Variants in DAB2IP observed in about 807,000 individuals in gnomAD.
DAB2IP encodes disabled homolog 2-interacting protein.
In DAB2IP, 28 loss-of-function variants were observed where a neutral mutation model predicts 107.2. The observed-to-expected ratio is 0.26, with a 90% CI of 0.19 to 0.36. DAB2IP has a LOEUF of 0.36. Among genes scored for constraint, DAB2IP ranks in the 10% least tolerant of loss-of-function variants. The pLI is 1.00. For synonymous variants in DAB2IP, 755 were observed against 706.4 expected (o/e 1.07, Z -1.09); for missense variants, 1,400 against 1,644.7 (o/e 0.85, Z 2.57).
At chr9:121,630,533 A>ATT (rs1554716325) in intron 1 of DAB2IP, among the ~76,000 whole-genome samples, 12,056 of 146,872 alleles carry the variant, frequency 0.082, 1,557 homozygotes, top group African/African-American at 0.27. Context: ...TCATAAAAAA[A>ATT]TTTTTTTTTT....
chr9:121,727,043 T>TA (rs113580097), intron 3 of DAB2IP, among the ~76,000 whole-genome samples: 3,358 of 152,234 alleles, frequency 0.022, 129 homozygotes, highest in African/African-American at 0.076. Flanking sequence ...GTGCTGGACT[T>TA]ACTGCAGGCT....
chr9:121,691,458 T>G (rs577886090), intron 2 of DAB2IP, among the ~76,000 whole-genome samples: 1 of 145,684 alleles, frequency 6.9e-6, no homozygotes, highest in Non-Finnish European at 1.5e-5. Context: ...AAGGAAGTGA[T>G]AGCAGTGAGC....
chr9:121,756,143 C>G (rs1319532032), intron 3 of DAB2IP, among the ~76,000 whole-genome samples: 6 of 152,196 alleles, frequency 3.9e-5, no homozygotes, highest in African/African-American at 4.8e-5. Context: ...TAAGAGGACA[C>G]TGCTCTGTGC....
intron 2 of DAB2IP, among the ~76,000 whole-genome samples, chr9:121,679,757 G>A (rs1828484350): frequency 6.6e-6 from 1 of 152,168 alleles, no homozygotes; most frequent in South Asian, 2.1e-4. Flanking sequence ...GGAGCTGGAA[G>A]TGATTGGCTA....
At chr9:121,640,848 G>A (rs1447407473) in intron 1 of DAB2IP, among the ~76,000 whole-genome samples, 1 of 152,178 alleles carries the variant, frequency 6.6e-6, no homozygotes, top group African/African-American at 2.4e-5. Context: ...GTTCCCAGTT[G>A]TGGGAAGGCA....
chr9:121,729,179 C>T (rs946803305), intron 3 of DAB2IP, among the ~76,000 whole-genome samples: 4 of 152,280 alleles, frequency 2.6e-5, no homozygotes, highest in East Asian at 3.9e-4. Context: ...AACTGAAGTG[C>T]AGAGAGGTTA....
At chr9:121,688,282 G>C (rs995125330) in intron 2 of DAB2IP, among the ~76,000 whole-genome samples, 1 of 152,244 alleles carries the variant, frequency 6.6e-6, no homozygotes, top group African/African-American at 2.4e-5. Flanking sequence ...TCCAAAGCCA[G>C]GAGGCCCTCT....
At chr9:121,578,722 CTTTTTTTTTTTTTTTTT>C (rs749525264) in intron 1 of DAB2IP, among the ~76,000 whole-genome samples, 1 of 47,428 alleles carries the variant, frequency 2.1e-5, no homozygotes, top group African/African-American at 9.1e-5. Context: ...CGGCCTATGT[CTTTTTTTTTTTTTTTTT>C]TTTTTTTTTT....
chr9:121,727,006 G>A lies in DAB2IP; in HGVS notation c.362+27548G>A, dbSNP rs1221721112. On this transcript the variant is annotated intron_variant, in intron 3 of 15. Transcript: ENST00000408936. ...GGGATGGGAGGTGGAGAGGAGTAGG[G>A]ATGTGGGGTGGTCTCTCAAAAATAT... Among the ~76,000 whole-genome samples the A allele has an allele frequency of 3.3e-5, 5 of 152,172 alleles. No individual in the cohort carries two copies. In the East Asian group the frequency reaches 9.6e-4, roughly 29 times the overall value.
Position 121,608,056 on chromosome 9 carries a change from T to A in DAB2IP, c.40+40828T>A, listed in dbSNP as rs182534580. On this transcript the variant is annotated intron_variant, in intron 1 of 16. Coordinates refer to the DAB2IP transcript ENST00000259371. ...TCCCAAAAGGCTCTGTCAGCCCCTC[T>A]GATAGGGATCTGCAGGGTGTGTGAG... is the stretch of plus-strand genomic sequence containing the variant. Among the ~76,000 whole-genome samples the A allele has an allele frequency of 4.3e-4, 66 of 152,372 alleles. 1 individual carries two copies. In the Middle Eastern group the frequency reaches 0.017, roughly 39 times the overall value.
chr9:121,590,176 A>G (rs895282363), intron 1 of DAB2IP, among the ~76,000 whole-genome samples: 7 of 151,026 alleles, frequency 4.6e-5, no homozygotes, highest in African/African-American at 1.7e-4. Context: ...TGAATTCTCA[A>G]TGCCTCAGAG....
At chr9:121,588,704 G>A (rs2118923132) in intron 1 of DAB2IP, among the ~76,000 whole-genome samples, 1 of 151,744 alleles carries the variant, frequency 6.6e-6, no homozygotes, top group South Asian at 2.1e-4. Context: ...GTCAGTGCAA[G>A]CCTCAGCCCA....
At chr9:121,593,330 T>C (rs1286646438) in intron 1 of DAB2IP, among the ~76,000 whole-genome samples, 1 of 152,182 alleles carries the variant, frequency 6.6e-6, no homozygotes, top group Non-Finnish European at 1.5e-5. Context: ...TGCAATGGCG[T>C]GGACATGACT....
chr9:121,663,128 A>G (rs1218850175), intron 1 of DAB2IP, among the ~76,000 whole-genome samples: 2 of 152,284 alleles, frequency 1.3e-5, no homozygotes, highest in East Asian at 1.9e-4. Flanking sequence ...GTGTCTGGAG[A>G]TAAGGAATAG....
intron 12 of DAB2IP, among the ~76,000 whole-genome samples, chr9:121,773,947 C>G (rs1441950913): frequency 1.3e-5 from 2 of 152,210 alleles, no homozygotes; most frequent in African/African-American, 4.8e-5. Flanking sequence ...GGGCTGACAG[C>G]CCAGCCTGGC....
intron 1 of DAB2IP, among the ~76,000 whole-genome samples, chr9:121,666,749 G>C (rs1833450890): frequency 6.6e-6 from 1 of 151,990 alleles, no homozygotes; most frequent in Admixed American, 6.6e-5. Flanking sequence ...ATGTATCCCA[G>C]AACTAAAAGT....
chr9:121,652,032 G>A (rs1832764249), intron 1 of DAB2IP, 133 bp downstream of exon 1: 26 of 821,038 alleles, frequency 3.2e-5, no homozygotes, highest in Non-Finnish European at 4.3e-5. Flanking sequence ...CCCTTCCTGA[G>A]TCTGCCGGAC....
intron 2 of DAB2IP, among the ~76,000 whole-genome samples, chr9:121,685,720 A>C (rs1018012086): frequency 2.0e-5 from 3 of 152,260 alleles, no homozygotes; most frequent in African/African-American, 7.2e-5. Flanking sequence ...TATGCCAGTC[A>C]TTGAGGATAC....
At chr9:121,572,154 A>G (rs1178461750) in intron 1 of DAB2IP, among the ~76,000 whole-genome samples, 1 of 152,032 alleles carries the variant, frequency 6.6e-6, no homozygotes, top group East Asian at 1.9e-4. Flanking sequence ...CCTGCAAAAT[A>G]TGCTTTCTCC....
Sources: gnomAD v4.1 joint callset for allele counts (sites outside exome capture counted in the v4.1 genomes callset) on GRCh38, gnomAD v4.1.1 for gene constraint, MANE v1.5 for transcripts, NCBI Gene and HGNC (gene_info 2026-07-23, HGNC 2026-07-21) for gene names.